SLC24A5: variants seen among roughly 807,000 people sequenced by gnomAD.
The protein encoded by SLC24A5 is sodium/potassium/calcium exchanger 5.
A neutral mutation model predicts 51.6 loss-of-function variants in SLC24A5; 46 were observed. The ratio of observed to expected loss-of-function variants is 0.89; its 90% CI spans 0.70 to 1.14. The LOEUF (loss-of-function observed/expected upper bound fraction) is 1.14. SLC24A5 is among the 50% of genes most tolerant of loss of function. The pLI is 0.00. For missense variants in SLC24A5, 581 were observed against 604.1 expected (o/e 0.96, Z 0.40); for synonymous variants, 230 against 214.9 (o/e 1.07, Z -0.62).
At position 48,142,099 on chromosome 15, in the gene SLC24A5, A is replaced by C; in HGVS notation, c.1251A>C (p.Pro417=). ...TTGATATGTTGTGCCTTGGTATTCC[A>C]TGGTTTATTAAAACTGCATTTATAA... is the stretch of plus-strand genomic sequence containing the variant. ...NVFDMLCLGI[P]WFIKTAFING... is the part of the protein sequence containing the mutation. The change falls in exon 9 of 9, where the codon CCA becomes CCC. Residue 417 remains proline, a synonymous_variant. Coordinates refer to ENST00000341459, the MANE Select transcript of SLC24A5 (RefSeq NM_205850.3). 6.2e-7 allele frequency: 1 copy of C among 1,613,904 alleles called. No homozygotes were observed. The highest frequency in any genetic ancestry group is 8.5e-7 in the Non-Finnish European group (1 of 1,179,886).
At chr15:48,138,857 C>A in intron 6 of SLC24A5, 112 bp from the exon 7 acceptor site, 1 of 771,892 alleles carries the variant, frequency 1.3e-6, no homozygotes, top group Non-Finnish European at 2.1e-6. Flanking sequence ...TTTTAAACAG[C>A]CTTTTAAAAA....
chr15:48,140,931 C>T, intron 7 of SLC24A5, 182 bp from the exon 8 acceptor site: 2 of 499,178 alleles, frequency 4.0e-6, no homozygotes, highest in African/African-American at 1.9e-5. Context: ...CCTGGGTTAC[C>T]CGAATTACCA....
intron 7 of SLC24A5, 43 bp from the exon 8 acceptor site, chr15:48,141,070 T>C: frequency 6.7e-7 from 1 of 1,487,626 alleles, no homozygotes; most frequent in Non-Finnish European, 9.3e-7. Context: ...GGATGGTTAG[T>C]GAATCTTTAA....
At chr15:48,138,835 G>A in intron 6 of SLC24A5, 134 bp from the exon 7 acceptor site, 1 of 642,614 alleles carries the variant, frequency 1.6e-6, no homozygotes, top group South Asian at 2.1e-5. Context: ...TCAGTAATGA[G>A]GTACTCAAAT....
chr15:48,125,295 A>T (rs914597843), intron 2 of SLC24A5, among the ~76,000 whole-genome samples: 5 of 149,720 alleles, frequency 3.3e-5, no homozygotes, highest in African/African-American at 1.2e-4. Flanking sequence ...ATGATTTTAT[A>T]TATATATATA....
chr15:48,133,877 T>C (rs1172859911), intron 2 of SLC24A5, among the ~76,000 whole-genome samples: 2 of 151,844 alleles, frequency 1.3e-5, no homozygotes, highest in East Asian at 3.8e-4. Flanking sequence ...GCATTATACA[T>C]CTAAAAAACT....
rs960254380 is a variant in SLC24A5, at chr15:48,133,074, A to C, written c.302-1184A>C. On this transcript the variant is annotated intron_variant, in intron 2 of 8. Transcript: ENST00000341459. ...GTGCAGGCAACAGGTGGTCCCAGAG[A>C]CAAGAATAAGGAAATACCAACCACC... 2.6e-5 allele frequency among the ~76,000 whole-genome samples: 4 copies of C among 152,106 alleles called. No individual in the cohort carries two copies. In the South Asian group the frequency reaches 8.3e-4, roughly 32 times the overall value.
intron 6 of SLC24A5, chr15:48,137,208 G>T: frequency 2.4e-6 from 1 of 412,974 alleles, no homozygotes; most frequent in South Asian, 4.0e-5. Flanking sequence ...TTCACAAATG[G>T]GACAGATTGC....
At chr15:48,123,861 C>T (rs1312014326) in intron 2 of SLC24A5, 1 of 152,042 alleles carries the variant, frequency 6.6e-6, no homozygotes, top group Non-Finnish European at 1.5e-5. Flanking sequence ...TTGCTTTAAC[C>T]TCCCATTATT....
At position 48,122,039 on chromosome 15, in the gene SLC24A5, A is replaced by T. The variant is rs1309288719; in HGVS notation, c.301+3A>T. 1 of 1,614,150 alleles carries T rather than the reference A, an allele frequency of 6.2e-7. No homozygotes were observed. Among genetic ancestry groups the T allele is most frequent in the Admixed American group, 1.7e-5 (1 of 60,034 alleles). On this transcript the variant is annotated splice_donor_region_variant and intron_variant, in intron 2 of 8. Transcript: ENST00000341459. ...CTCCCTGGAAATCATCAGTGAATGT[A>T]AGTGGCTGGAAAGTTGCCCTGTAAC...
intron 2 of SLC24A5, among the ~76,000 whole-genome samples, chr15:48,127,646 CCATTTCTACAAAAATA>C (rs1463635070): frequency 6.6e-6 from 1 of 151,982 alleles, no homozygotes. Flanking sequence ...TGGTAAAACC[CCATTTCTACAAAAATA>C]CAAATATTAG....
chr15:48,127,855 A>G (rs1044597418), intron 2 of SLC24A5, among the ~76,000 whole-genome samples: 4 of 151,934 alleles, frequency 2.6e-5, no homozygotes, highest in African/African-American at 9.7e-5. Context: ...TTAAAATTAA[A>G]AAATATTCTG....
intron 1 of SLC24A5, 54 bp from the exon 2 acceptor site, chr15:48,121,803 C>A: frequency 1.3e-6 from 2 of 1,566,232 alleles, no homozygotes; most frequent in South Asian, 1.1e-5. Context: ...TCTCTGTGGG[C>A]TTGGAATGTG....
Position 48,121,107 on chromosome 15 carries a change from C to T in SLC24A5, c.63C>T (p.Ala21=). Residue 21 remains alanine, a synonymous_variant, in exon 1 of 9, where the codon GCC becomes GCT. Coordinates refer to ENST00000341459, the MANE Select transcript of SLC24A5 (RefSeq NM_205850.3). ...CTCTGTTGCTCGGCATCCTGTGGGCCACTGCACATCTGCCTCTCTCAGGGA... is the reference window on the plus strand; with the variant it reads ...CTCTGTTGCTCGGCATCCTGTGGGCTACTGCACATCTGCCTCTCTCAGGGA... ...RRALLLGILW[A]TAHLPLSGTS... is the part of the protein sequence containing the mutation. 1 of 1,613,906 alleles carries T rather than the reference C, an allele frequency of 6.2e-7. No homozygotes were observed. Among genetic ancestry groups the T allele is most frequent in the East Asian group, 2.2e-5 (1 of 44,822 alleles).
At chr15:48,124,075 GGTTT>G (rs1358015451) in intron 2 of SLC24A5, 1 of 151,544 alleles carries the variant, frequency 6.6e-6, no homozygotes, top group South Asian at 2.1e-4. Context: ...GCTTTTTCAT[GGTTT>G]GTTTGATTTT....
chr15:48,121,085 T>C lies in SLC24A5; in HGVS notation c.41T>C (p.Leu14Pro). Residue 14 changes from leucine (L) to proline (P), a missense_variant, in exon 1 of 9, where the codon CTG (leucine) becomes CCG (proline). By Grantham distance (98) the Leu-to-Pro change is moderately conservative. Transcript: ENST00000341459. Reference protein sequence around the residue: ...KGGQTWARRALLLGILWATAH... With the variant: ...KGGQTWARRAPLLGILWATAH... ...GGCCAAACATGGGCGAGAAGGGCTCTGTTGCTCGGCATCCTGTGGGCCACT... is the reference window on the plus strand; with the variant it reads ...GGCCAAACATGGGCGAGAAGGGCTCCGTTGCTCGGCATCCTGTGGGCCACT... 1.2e-6 allele frequency: 2 copies of C among 1,613,988 alleles called. No individual in the cohort carries two copies. Among genetic ancestry groups the C allele is most frequent in the Non-Finnish European group, 1.7e-6 (2 of 1,179,934 alleles).
At position 48,134,294 on chromosome 15, in the gene SLC24A5, T is replaced by C; in HGVS notation, c.338T>C (p.Phe113Ser). The C allele has an allele frequency of 6.2e-7, 1 of 1,613,702 alleles. No individual in the cohort carries two copies. The highest frequency in any genetic ancestry group is 8.5e-7 in the Non-Finnish European group (1 of 1,179,678). Residue 113 changes from phenylalanine (F) to serine (S), a missense_variant, in exon 3 of 9, where the codon TTC (phenylalanine) becomes TCC (serine). Physicochemically the swap from Phe to Ser is radical, Grantham distance 155 (BLOSUM62 -2). Transcript: ENST00000341459. ...TCTCAGGATGTTGCAGGCACAACTT[T>C]CATGGCAGCGGGCAGTTCAGCTCCT... ...GLSQDVAGTT[F>S]MAAGSSAPEL... is the part of the protein sequence containing the mutation.
chr15:48,139,172 A>C lies in SLC24A5; in HGVS notation c.1075A>C (p.Thr359Pro), dbSNP rs2038979473. ...TATCCTGGTTTGGATGGTCACAATA[A>C]CTGGTATGTATTTTAAGTACAATAG... ...TYILVWMVTITGETLEIPDTV... is the reference protein window; with the variant it reads ...TYILVWMVTIPGETLEIPDTV... The change falls in exon 7 of 9, where the codon ACT (threonine) becomes CCT (proline). Residue 359 changes from threonine (T) to proline (P), a missense_variant. Transcript: ENST00000341459. 1 of 1,607,512 alleles carries C rather than the reference A, an allele frequency of 6.2e-7. No individual in the cohort carries two copies. The highest frequency in any genetic ancestry group is 8.5e-7 in the Non-Finnish European group (1 of 1,175,432).
In SLC24A5 at chr15:48,121,126, T is replaced by C. The variant is rs752983478; in HGVS notation, c.82T>C (p.Ser28Pro). 6 of 1,613,650 alleles carry C rather than the reference T, an allele frequency of 3.7e-6. No homozygotes were observed. Among genetic ancestry groups the C allele is most frequent in the Non-Finnish European group, 3.4e-6 (4 of 1,179,852 alleles). ...GTGGGCCACTGCACATCTGCCTCTCTCAGGGACCTCCCTGCCCCAACGTCT... is the reference window on the plus strand; with the variant it reads ...GTGGGCCACTGCACATCTGCCTCTCCCAGGGACCTCCCTGCCCCAACGTCT... The part of the protein sequence containing the change: ...ILWATAHLPL[S>P]GTSLPQRLPR... Residue 28 changes from serine (S) to proline (P), a missense_variant, in exon 1 of 9, where the codon TCA (serine) becomes CCA (proline). By Grantham distance (74) the Ser-to-Pro change is moderately conservative. Coordinates refer to ENST00000341459, the MANE Select transcript of SLC24A5 (RefSeq NM_205850.3).
Sources: gnomAD v4.1 joint callset for allele counts (sites outside exome capture counted in the v4.1 genomes callset) on GRCh38, gnomAD v4.1.1 for gene constraint, MANE v1.5 for transcripts, NCBI Gene and HGNC (gene_info 2026-07-23, HGNC 2026-07-21) for gene names.